IGF2BP2: variants seen among roughly 807,000 people sequenced by gnomAD.
IGF2BP2 encodes insulin like growth factor 2 mRNA binding protein 2, also known as insulin-like growth factor 2 mRNA-binding protein 2.
In IGF2BP2, 17 loss-of-function variants were observed where a neutral mutation model predicts 75.8. The observed-to-expected ratio is 0.22, with a 90% CI of 0.15 to 0.34. The LOEUF (loss-of-function observed/expected upper bound fraction) is 0.34, where lower values mean the gene tolerates loss of function less well. Ranked by LOEUF, IGF2BP2 falls within the 10% of genes least tolerant of loss-of-function variation. The probability of loss-of-function intolerance (pLI) is 1.00; values close to 1 mark genes in which losing one functional copy is unlikely to be tolerated. For missense variants in IGF2BP2, 516 were observed against 772.4 expected (o/e 0.67, Z 3.93); for synonymous variants, 288 against 295.6 (o/e 0.97, Z 0.26).
At position 185,813,330 on chromosome 3, in the gene IGF2BP2, C is replaced by T. The variant is rs1302254848; in HGVS notation, c.239+9823G>A. Among the ~76,000 whole-genome samples the T allele has an allele frequency of 3.9e-5, 6 of 152,306 alleles. No individual in the cohort carries two copies. The East Asian group carries it at 5.8e-4, about 15-fold the overall frequency. ...TCCTTAAAAGGGAGAATCAATTCCA[C>T]ATTTTTCAATATCTGAGCTTAAAAT... On this transcript the variant is annotated intron_variant, in intron 2 of 15. Coordinates refer to ENST00000382199, the MANE Select transcript of IGF2BP2 (RefSeq NM_006548.6).
intron 2 of IGF2BP2, among the ~76,000 whole-genome samples, chr3:185,755,510 C>T (rs1731504329): frequency 6.6e-6 from 1 of 152,164 alleles, no homozygotes; most frequent in African/African-American, 2.4e-5. Flanking sequence ...ATGGTAGAGC[C>T]ACTGGCAGCT....
rs1430531242 is a variant in IGF2BP2 at position 185,647,219 on chromosome 3, A to C, written c.1594-81T>G. 1 of 985,924 alleles carries C rather than the reference A, an allele frequency of 1.0e-6. No homozygotes were observed. The highest frequency in any genetic ancestry group is 1.7e-5 in the Admixed American group (1 of 58,912). 61.1% of individuals were successfully genotyped at this position (985,924 alleles called of 1,614,324 possible). ...GGGCTCAGGACGGAGTGAGGGGCCAAGAGGTGGAGCAGGGGAAGGAGGGGG... is the reference window on the plus strand; with the variant it reads ...GGGCTCAGGACGGAGTGAGGGGCCACGAGGTGGAGCAGGGGAAGGAGGGGG... On this transcript the variant is annotated intron_variant, in intron 14 of 15. Coordinates refer to ENST00000382199, the MANE Select transcript of IGF2BP2 (RefSeq NM_006548.6). The surrounding 1 kb of genome is among the most constrained non-coding windows in gnomAD (Gnocchi z 4.9).
intron 2 of IGF2BP2, chr3:185,716,501 G>A (rs1425244336): frequency 1.9e-6 from 1 of 520,108 alleles, no homozygotes; most frequent in African/African-American, 1.9e-5. Flanking sequence ...AAAAAGAACA[G>A]CTTTTGGGGA....
intron 2 of IGF2BP2, among the ~76,000 whole-genome samples, chr3:185,753,690 A>G (rs1484023528): frequency 1.3e-5 from 2 of 152,150 alleles, no homozygotes; most frequent in Non-Finnish European, 2.9e-5. Context: ...ATAAAACAAT[A>G]GCAGCATCCT....
chr3:185,747,524 T>C (rs936835534), intron 2 of IGF2BP2, among the ~76,000 whole-genome samples: 2 of 151,762 alleles, frequency 1.3e-5, no homozygotes, highest in South Asian at 4.1e-4. Flanking sequence ...ACTAAAAATA[T>C]AAAAATTAGC....
chr3:185,820,873 A>G, intron 2 of IGF2BP2: 1 of 692,034 alleles, frequency 1.4e-6, no homozygotes, highest in East Asian at 3.0e-5. Flanking sequence ...CATTTCAACT[A>G]ACACAAAAAC....
intron 10 of IGF2BP2, among the ~76,000 whole-genome samples, chr3:185,659,378 A>C (rs764668078): frequency 3.9e-5 from 6 of 152,136 alleles, no homozygotes; most frequent in African/African-American, 1.4e-4. Flanking sequence ...CTTTTATTTT[A>C]TTTCTTTATT....
chr3:185,649,944 A>G (rs1479306570), intron 13 of IGF2BP2, among the ~76,000 whole-genome samples: 1 of 152,204 alleles, frequency 6.6e-6, no homozygotes, highest in African/African-American at 2.4e-5. Flanking sequence ...ACCCCTGGTT[A>G]GTAAGGATGG....
At chr3:185,666,001 C>CATAGATAG (rs57817338) in intron 10 of IGF2BP2, among the ~76,000 whole-genome samples, 2,250 of 145,382 alleles carry the variant, frequency 0.015, 32 homozygotes, top group East Asian at 0.022. Flanking sequence ...TAGATAGGTA[C>CATAGATAG]ATAGATAGAT....
intron 10 of IGF2BP2, among the ~76,000 whole-genome samples, chr3:185,671,081 A>T (rs962003561): frequency 2.6e-5 from 4 of 152,164 alleles, no homozygotes; most frequent in Non-Finnish European, 5.9e-5. Context: ...AAATACAGAG[A>T]TGTGAAACTC....
At chr3:185,758,445 T>C (rs1030851507) in intron 2 of IGF2BP2, among the ~76,000 whole-genome samples, 1 of 152,240 alleles carries the variant, frequency 6.6e-6, no homozygotes, top group Non-Finnish European at 1.5e-5. Flanking sequence ...TTTCCTTCTC[T>C]GTAAAACAAG....
intron 10 of IGF2BP2, among the ~76,000 whole-genome samples, chr3:185,659,705 G>A (rs1318187685): frequency 6.6e-6 from 1 of 152,000 alleles, no homozygotes; most frequent in Non-Finnish European, 1.5e-5. Context: ...AATAGGTACT[G>A]TGTACTAGAT....
At chr3:185,649,056 T>C (rs1384393104) in intron 14 of IGF2BP2, among the ~76,000 whole-genome samples, 2 of 150,666 alleles carry the variant, frequency 1.3e-5, no homozygotes, top group African/African-American at 4.9e-5. Context: ...TACATGTGGG[T>C]ATAAAGGGGG....
chr3:185,728,590 G>A (rs1727690890), intron 2 of IGF2BP2: 1 of 152,184 alleles, frequency 6.6e-6, no homozygotes, highest in African/African-American at 2.4e-5. Flanking sequence ...AACTAGGTGA[G>A]TCTTATAATT....
intron 10 of IGF2BP2, among the ~76,000 whole-genome samples, chr3:185,668,662 TAA>T (rs1205197646): frequency 6.6e-6 from 1 of 151,302 alleles, no homozygotes; most frequent in Non-Finnish European, 1.5e-5. Context: ...ATTTATGACA[TAA>T]GACACCACAA....
intron 10 of IGF2BP2, among the ~76,000 whole-genome samples, chr3:185,659,172 T>C (rs145566529): frequency 7.0e-4 from 106 of 152,046 alleles, no homozygotes; most frequent in African/African-American, 2.2e-3. Context: ...TGAGCTATGA[T>C]TGCACCACTG....
rs750697447 is a variant in IGF2BP2, at chr3:185,689,554, C to T, written c.478G>A (p.Val160Met). 13 of 1,614,120 alleles carry T rather than the reference C, an allele frequency of 8.1e-6. No individual in the cohort carries two copies. In the South Asian group the frequency reaches 9.9e-5, roughly 12 times the overall value. The change falls in exon 6 of 16, where the codon GTG becomes ATG. Residue 160 changes from valine to methionine, a missense_variant. By Grantham distance (21) the Val-to-Met change is conservative. This residue lies in a region of IGF2BP2 where 312 missense variants were observed against 474.5 expected (regional missense o/e 0.66). Transcript: ENST00000382199. ...FKISYIPDEE[V>M]SSPSPPQRAQ... Reference sequence around the variant, plus strand: ...CGCTGAGGGGGCGAAGGGGAGCTCACCTCTTCATCCGGGATGTAGGAAATC... The same window carrying T: ...CGCTGAGGGGGCGAAGGGGAGCTCATCTCTTCATCCGGGATGTAGGAAATC...
intron 2 of IGF2BP2, among the ~76,000 whole-genome samples, chr3:185,788,099 T>C (rs775812567): frequency 2.0e-5 from 3 of 152,240 alleles, no homozygotes; most frequent in Non-Finnish European, 4.4e-5. Flanking sequence ...AACAGGGCTC[T>C]GTATTTAGAA....
intron 2 of IGF2BP2, among the ~76,000 whole-genome samples, chr3:185,790,643 C>T (rs1475409367): frequency 6.6e-6 from 1 of 152,184 alleles, no homozygotes; most frequent in East Asian, 1.9e-4. Flanking sequence ...CTAGAGGAAG[C>T]TATTCATGTT....
Sources: gnomAD v4.1 joint callset for allele counts (sites outside exome capture counted in the v4.1 genomes callset) on GRCh38, gnomAD v4.1.1 for gene constraint, gnomAD v4.1.1 regional missense constraint, Gnocchi (gnomAD v3.1) non-coding constraint, MANE v1.5 for transcripts, NCBI Gene and HGNC (gene_info 2026-07-23, HGNC 2026-07-21) for gene names.